PHF14: variants seen among roughly 807,000 people sequenced by gnomAD.
PHF14 encodes PHD finger protein 14.
Under a neutral mutation model 117.9 loss-of-function variants are expected in PHF14, and 55 were observed. The ratio of observed to expected loss-of-function variants is 0.47; its 90% CI spans 0.38 to 0.58. The LOEUF (loss-of-function observed/expected upper bound fraction) is 0.58. Ranked by LOEUF, PHF14 falls within the 20% of genes least tolerant of loss-of-function variation. The probability of loss-of-function intolerance (pLI) is 0.00; values close to 1 mark genes in which losing one functional copy is unlikely to be tolerated. For synonymous variants in PHF14, 409 were observed against 368.6 expected (o/e 1.11, Z -1.26); for missense variants, 978 against 1,122.2 (o/e 0.87, Z 1.84).
At chr7:11,149,932 A>T (rs1359143386) in intron 17 of PHF14, among the ~76,000 whole-genome samples, 1 of 152,250 alleles carries the variant, frequency 6.6e-6, no homozygotes, top group African/African-American at 2.4e-5. Flanking sequence ...ACAAGATTAA[A>T]TAATAGTGAT....
At chr7:11,010,893 G>A (rs1194245387) in intron 4 of PHF14, among the ~76,000 whole-genome samples, 1 of 152,064 alleles carries the variant, frequency 6.6e-6, no homozygotes, top group Non-Finnish European at 1.5e-5. Flanking sequence ...GGGCTCAAGC[G>A]ATCATCCTGC....
intron 5 of PHF14, among the ~76,000 whole-genome samples, chr7:11,021,937 A>T (rs897614229): frequency 3.9e-5 from 6 of 152,170 alleles, no homozygotes; most frequent in African/African-American, 9.7e-5. Flanking sequence ...GTTGTGATAA[A>T]GCAGAATTTG....
intron 3 of PHF14, among the ~76,000 whole-genome samples, chr7:10,990,254 C>T (rs1426443875): frequency 6.6e-6 from 1 of 152,114 alleles, no homozygotes; most frequent in Admixed American, 6.5e-5. Context: ...ATATGTGCGT[C>T]TTGTCTTCTC....
chr7:11,002,719 C>G (rs1279890185), intron 4 of PHF14, among the ~76,000 whole-genome samples: 1 of 151,828 alleles, frequency 6.6e-6, no homozygotes, highest in East Asian at 2.0e-4. Context: ...GCTGGGATTA[C>G]AGACGTGAGC....
At chr7:10,990,295 G>C (rs977620545) in intron 3 of PHF14, among the ~76,000 whole-genome samples, 5 of 152,170 alleles carry the variant, frequency 3.3e-5, no homozygotes, top group African/African-American at 9.7e-5. Context: ...TAAAGTGTAA[G>C]AATCATGTCT....
chr7:11,163,764 T>A (rs1789119409), intron 17 of PHF14, among the ~76,000 whole-genome samples: 1 of 152,222 alleles, frequency 6.6e-6, no homozygotes, highest in Non-Finnish European at 1.5e-5. Context: ...AGCACTAGCA[T>A]ATTTTCTGTA....
intron 14 of PHF14, 177 bp from the exon 15 acceptor site, chr7:11,061,614 G>A (rs1220410146): frequency 7.5e-6 from 3 of 401,462 alleles, no homozygotes; most frequent in Non-Finnish European, 1.3e-5. Flanking sequence ...TATTTCCTAT[G>A]GCATAAATGG....
chr7:10,985,636 C>CTTT (rs1782193317), intron 3 of PHF14, among the ~76,000 whole-genome samples: 18 of 90,810 alleles, frequency 2.0e-4, no homozygotes, highest in East Asian at 4.1e-4. Context: ...GATTCTCAAA[C>CTTT]TGTTTTTTTT....
At chr7:11,105,619 C>T in intron 16 of PHF14, 1 of 984,642 alleles carries the variant, frequency 1.0e-6, no homozygotes. Flanking sequence ...ATTTTTTCTA[C>T]CTGTCTGAAT....
intron 14 of PHF14, 139 bp downstream of exon 14, chr7:11,051,919 C>G: frequency 1.5e-6 from 1 of 672,286 alleles, no homozygotes; most frequent in African/African-American, 1.8e-5. Context: ...AATTTTTTTT[C>G]TATATTATGA....
intron 3 of PHF14, among the ~76,000 whole-genome samples, chr7:10,983,433 C>G (rs1410993615): frequency 6.6e-6 from 1 of 152,152 alleles, no homozygotes. Flanking sequence ...TGGGAAATGA[C>G]AAAGTTTTCC....
chr7:11,057,462 C>T (rs1785056905), intron 14 of PHF14, among the ~76,000 whole-genome samples: 1 of 152,088 alleles, frequency 6.6e-6, no homozygotes, highest in African/African-American at 2.4e-5. Context: ...GCAACCTCCG[C>T]CTCCCAGGAT....
chr7:11,166,675 A>G (rs1789210066), intron 17 of PHF14, among the ~76,000 whole-genome samples: 1 of 152,130 alleles, frequency 6.6e-6, no homozygotes, highest in African/African-American at 2.4e-5. Context: ...TACTCTAGCA[A>G]TTAGAGTGGA....
In PHF14 at chr7:11,111,485, T is replaced by C. The variant is rs780619814; in HGVS notation, c.2772+18T>C. 18 of 1,240,334 alleles carry C rather than the reference T, an allele frequency of 1.5e-5. No individual in the cohort carries two copies. The highest frequency in any genetic ancestry group is 2.0e-5 in the Non-Finnish European group (17 of 852,154). The allele number at this position is 1,240,334 out of a possible 1,614,324, so 76.8% of individuals were successfully genotyped here. A position where few individuals can be genotyped will look rare whatever the true frequency, so the allele number is the denominator to read the frequency against. On this transcript the variant is annotated intron_variant, in intron 17 of 17. Transcript: ENST00000634607. ...CTTCCAAGGTAAGGGGAGAAGTCTA[T>C]AAGAAAAGGTATTGGTGTCCTTCCG...
intron 6 of PHF14, 151 bp from the exon 7 acceptor site, chr7:11,028,530 G>A (rs1784006344): frequency 3.0e-6 from 2 of 660,200 alleles, no homozygotes; most frequent in African/African-American, 3.8e-5. Context: ...TAAACTCTTG[G>A]CTCGCCTATG....
Position 11,091,845 on chromosome 7 carries a change from G to A in PHF14, c.2655-19505G>A, listed in dbSNP as rs146555824. Among the ~76,000 whole-genome samples, 1,042 of 152,242 alleles carry A rather than the reference G, an allele frequency of 6.8e-3. 6 individuals are homozygous for A. Among genetic ancestry groups the A allele is most frequent in the Middle Eastern group, 0.031 (9 of 294 alleles). On this transcript the variant is annotated intron_variant, in intron 16 of 17. Coordinates refer to ENST00000634607, the MANE Select transcript of PHF14 (RefSeq NM_001007157.2). Reference sequence around the variant, plus strand: ...TAAACACTTATTCTTTACCCCTTAAGTATTCAATTCTAATTTTCCGACCTT... The same window carrying A: ...TAAACACTTATTCTTTACCCCTTAAATATTCAATTCTAATTTTCCGACCTT...
rs1289560078 is a variant in PHF14 at position 11,107,996 on chromosome 7, G to T, written c.2655-3354G>T. ...AAATTTGCAACATAGCTCAGGGTTT[G>T]TTGGGTGACAGGATTTGATGAAGAT... On this transcript the variant is annotated intron_variant, in intron 16 of 17. Coordinates refer to ENST00000634607, the MANE Select transcript of PHF14 (RefSeq NM_001007157.2). 3 of 151,800 alleles carry T rather than the reference G, an allele frequency of 2.0e-5. No individual in the cohort carries two copies. In the Admixed American group the frequency reaches 2.0e-4, roughly 10 times the overall value. The allele number at this position is 151,800 out of a possible 1,614,324, so 9.4% of individuals were successfully genotyped here.
intron 2 of PHF14, among the ~76,000 whole-genome samples, chr7:10,980,910 T>C (rs916728816): frequency 3.9e-5 from 6 of 152,190 alleles, no homozygotes; most frequent in African/African-American, 1.4e-4. Context: ...GATATTGCTC[T>C]TGTATCCTAT....
At chr7:10,995,369 G>T (rs564354080) in intron 4 of PHF14, among the ~76,000 whole-genome samples, 37 of 151,830 alleles carry the variant, frequency 2.4e-4, no homozygotes, top group South Asian at 8.3e-4. Context: ...ACAGAGTGCT[G>T]ATTGGTGTAT....
Sources: gnomAD v4.1 joint callset for allele counts (sites outside exome capture counted in the v4.1 genomes callset) on GRCh38, gnomAD v4.1.1 for gene constraint, MANE v1.5 for transcripts, NCBI Gene and HGNC (gene_info 2026-07-23, HGNC 2026-07-21) for gene names.